The following ERBIN variants were observed in gnomAD, a reference collection of about 807,000 sequenced individuals.
ERBIN encodes densin-180-like protein.
ERBIN carries 60 observed loss-of-function variants against 158.4 expected under a neutral mutation model. That is an observed-to-expected ratio of 0.38 (90% confidence interval 0.31 to 0.47). ERBIN has a LOEUF of 0.47. ERBIN is among the 20% of genes least tolerant of loss of function. The pLI, the probability that ERBIN is intolerant of heterozygous loss-of-function variation, is 0.99. For synonymous variants in ERBIN, 594 were observed against 557.2 expected, an observed-to-expected ratio of 1.07 and a Z score of -0.93; for missense variants, 1,610 against 1,648.0, an observed-to-expected ratio of 0.98 and a Z score of 0.40.
At position 66,054,851 on chromosome 5, in the gene ERBIN, G is replaced by T. The variant is rs780340806; in HGVS notation, c.3533G>T (p.Gly1178Val). The T allele has an allele frequency of 1.2e-6, 2 of 1,613,976 alleles. No homozygotes were observed. The highest frequency in any genetic ancestry group is 1.3e-5 in the African/African-American group (1 of 74,904). The change falls in exon 21 of 26, where the codon GGT becomes GTT. Residue 1178 changes from glycine (G) to valine (V), a missense_variant. Physicochemically the swap from Gly to Val is moderately radical, Grantham distance 109 (BLOSUM62 -3). Around this residue, in one of 2 missense-constraint regions of ERBIN, gnomAD observed 1,014 missense variants for 936.1 expected, o/e 1.08. Coordinates refer to ENST00000284037, the MANE Select transcript of ERBIN (RefSeq NM_001253697.2). Reference sequence around the variant, plus strand: ...TCAAAAAGACCAAATGCAAGGGTTGGTTCTGAGCATTCTTTATTAGATCCT... The same window carrying T: ...TCAAAAAGACCAAATGCAAGGGTTGTTTCTGAGCATTCTTTATTAGATCCT... ...SPSKRPNARV[G>V]SEHSLLDPPG...
At chr5:66,032,592 C>T (rs543079794) in intron 14 of ERBIN, among the ~76,000 whole-genome samples, 1 of 152,230 alleles carries the variant, frequency 6.6e-6, no homozygotes, top group South Asian at 2.1e-4. Context: ...ATTGAACAGG[C>T]AAATAGTATG....
At chr5:65,934,192 A>G (rs1161274599) in intron 1 of ERBIN, among the ~76,000 whole-genome samples, 1 of 152,196 alleles carries the variant, frequency 6.6e-6, no homozygotes, top group Non-Finnish European at 1.5e-5. Flanking sequence ...CACCGCGCCC[A>G]GCCCGTCACC....
At chr5:65,929,693 TGCA>T (rs925205850) in intron 1 of ERBIN, among the ~76,000 whole-genome samples, 3 of 148,196 alleles carry the variant, frequency 2.0e-5, no homozygotes, top group Non-Finnish European at 4.4e-5. Context: ...TAGGCTGGAG[TGCA>T]GTGGCACAAT....
intron 1 of ERBIN, among the ~76,000 whole-genome samples, chr5:65,958,264 C>T (rs1364822530): frequency 1.3e-5 from 2 of 152,134 alleles, no homozygotes; most frequent in African/African-American, 4.8e-5. Flanking sequence ...GAGGCCAAGG[C>T]AGGCGGCTGG....
At chr5:65,952,984 C>T (rs1389262340) in intron 1 of ERBIN, among the ~76,000 whole-genome samples, 1 of 152,144 alleles carries the variant, frequency 6.6e-6, no homozygotes, top group Non-Finnish European at 1.5e-5. Flanking sequence ...CTCCTTCCTT[C>T]GTAAGTATAC....
Position 66,078,457 on chromosome 5 carries a change from G to A in ERBIN, c.4166G>A (p.Gly1389Glu). 6.3e-7 allele frequency: 1 copy of A among 1,590,530 alleles called. No homozygotes were observed. The highest frequency in any genetic ancestry group is 8.5e-7 in the Non-Finnish European group (1 of 1,173,234). The change falls in exon 26 of 26, where the codon GGA becomes GAA. Residue 1389 changes from glycine (G) to glutamate (E), a missense_variant. By Grantham distance (98) the Gly-to-Glu change is moderately conservative (BLOSUM62 -2). Coordinates refer to ENST00000284037, the MANE Select transcript of ERBIN (RefSeq NM_001253697.2). The stretch of plus-strand genomic sequence containing the variant: ...TACAGTTTTATAAATATTGAACATG[G>A]ACAAGCAGTGTCCTTGCTAAAAACT... ...NGYSFINIEH[G>E]QAVSLLKTFQ...
At chr5:66,020,305 G>A (rs1276645891) in intron 7 of ERBIN, among the ~76,000 whole-genome samples, 1 of 151,982 alleles carries the variant, frequency 6.6e-6, no homozygotes, top group African/African-American at 2.4e-5. Context: ...TTGCAACTGA[G>A]TTTTATTTTA....
chr5:65,942,513 A>G (rs1317144942), intron 1 of ERBIN, among the ~76,000 whole-genome samples: 1 of 152,242 alleles, frequency 6.6e-6, no homozygotes, highest in Admixed American at 6.5e-5. Flanking sequence ...TAGTTTAGAA[A>G]TAACTGGATA....
chr5:66,052,971 A>G (rs1759191988), intron 20 of ERBIN, among the ~76,000 whole-genome samples: 2 of 152,184 alleles, frequency 1.3e-5, no homozygotes, highest in South Asian at 4.1e-4. Flanking sequence ...TAAGGCTTCA[A>G]AATTAACTGT....
At position 66,054,632 on chromosome 5, in the gene ERBIN, T is replaced by G. The variant is rs1368125633; in HGVS notation, c.3314T>G (p.Leu1105Ter). ...RRAQIPEGDY[L>*]SYREFHSAGR... ...GCTCAGATTCCTGAAGGAGATTATT[T>G]ATCATACAGAGAGTTCCACTCAGCG... Residue 1105 changes from leucine to a stop codon, truncating the protein, a stop_gained, in exon 21 of 26, where the codon TTA becomes TGA. Transcript: ENST00000284037. LOFTEE classifies it high-confidence loss of function. The G allele has an allele frequency of 6.2e-7, 1 of 1,614,168 alleles. No homozygotes were observed. The highest frequency in any genetic ancestry group is 8.5e-7 in the Non-Finnish European group (1 of 1,180,022).
intron 7 of ERBIN, among the ~76,000 whole-genome samples, chr5:66,015,975 T>G (rs1229631762): frequency 6.6e-6 from 1 of 152,218 alleles, no homozygotes; most frequent in African/African-American, 2.4e-5. Context: ...AATGTATCTG[T>G]TTTTATTATA....
intron 16 of ERBIN, among the ~76,000 whole-genome samples, chr5:66,043,612 C>T (rs1382033442): frequency 2.0e-5 from 3 of 151,812 alleles, no homozygotes; most frequent in Non-Finnish European, 2.9e-5. Context: ...TTGTTATGAA[C>T]ATTTTGTTTC....
At chr5:65,974,942 T>A (rs1242904103) in intron 1 of ERBIN, among the ~76,000 whole-genome samples, 1 of 152,104 alleles carries the variant, frequency 6.6e-6, no homozygotes, top group African/African-American at 2.4e-5. Context: ...TCTCGTAAAG[T>A]AAGGGGAAGC....
intron 21 of ERBIN, among the ~76,000 whole-genome samples, chr5:66,070,355 A>G (rs1761416192): frequency 1.3e-5 from 2 of 152,128 alleles, no homozygotes; most frequent in Admixed American, 6.6e-5. Context: ...GAACCTCCCA[A>G]TTTAAAAGAT....
intron 15 of ERBIN, among the ~76,000 whole-genome samples, chr5:66,040,897 A>G (rs1302551254): frequency 3.3e-5 from 5 of 151,848 alleles, no homozygotes; most frequent in Admixed American, 3.3e-4. Context: ...AGTGATGAAT[A>G]AATATGCAAG....
At position 65,940,449 on chromosome 5, in the gene ERBIN, C is replaced by T. The variant is rs1463173790; in HGVS notation, c.-58+13643C>T. Among the ~76,000 whole-genome samples the T allele has an allele frequency of 2.2e-4, 28 of 129,030 alleles. 1 individual carries two copies. The highest frequency in any genetic ancestry group is 1.8e-3 in the South Asian group (7 of 3,978). 84.6% of individuals were successfully genotyped at this position (129,030 alleles called of 152,430 possible). ...CAGCCCCCCGCCCGGCCAGCTGCCC[C>T]GTCCGGGAGGGAGGTGGGGGGGTCA... On this transcript the variant is annotated intron_variant, in intron 1 of 25. Transcript: ENST00000284037.
chr5:65,946,831 TAAG>T (rs1188739364), intron 1 of ERBIN, among the ~76,000 whole-genome samples: 1 of 151,548 alleles, frequency 6.6e-6, no homozygotes, highest in Non-Finnish European at 1.5e-5. Flanking sequence ...TTCTTATAGA[TAAG>T]GAGTATATCT....
At chr5:66,010,520 C>G (rs1422589701) in intron 4 of ERBIN, among the ~76,000 whole-genome samples, 1 of 151,964 alleles carries the variant, frequency 6.6e-6, no homozygotes. Flanking sequence ...ATACTTTTAC[C>G]CACTAGTTTT....
At chr5:65,978,495 T>C (rs967115918) in intron 1 of ERBIN, among the ~76,000 whole-genome samples, 1 of 152,236 alleles carries the variant, frequency 6.6e-6, no homozygotes, top group Non-Finnish European at 1.5e-5. Flanking sequence ...AAAATAGGGC[T>C]AGCAAAAATT....
Sources: gnomAD v4.1 joint callset for allele counts (sites outside exome capture counted in the v4.1 genomes callset) on GRCh38, gnomAD v4.1.1 for gene constraint, gnomAD v4.1.1 regional missense constraint, MANE v1.5 for transcripts, NCBI Gene and HGNC (gene_info 2026-07-23, HGNC 2026-07-21) for gene names.